Variants in CFAP47 observed in about 807,000 individuals in gnomAD.
CFAP47 encodes cilia and flagella associated protein 47.
A neutral mutation model predicts 148.1 loss-of-function variants in CFAP47; 29 were observed. The observed-to-expected ratio is 0.20, with a 90% CI of 0.15 to 0.27. The LOEUF is 0.27. Ranked by LOEUF, CFAP47 falls within the 10% of genes least tolerant of loss-of-function variation. The probability of loss-of-function intolerance (pLI) is 1.00; values close to 1 mark genes in which losing one functional copy is unlikely to be tolerated. For missense variants in CFAP47, 1,872 were observed against 1,697.5 expected (o/e 1.10, Z -1.81); for synonymous variants, 664 against 577.3 (o/e 1.15, Z -2.15).
intron 46 of CFAP47, among the ~76,000 whole-genome samples, chrX:36,229,378 G>A (rs782720583): frequency 2.2e-4 from 24 of 111,604 alleles, no homozygotes; most frequent in African/African-American, 7.5e-4. Context: ...TCTTTGCTAT[G>A]TGAGCAACAT....
At chrX:35,924,027 A>ATGTGCACATATATGTATATATGTACATG (rs1569201025) in intron 1 of CFAP47, among the ~76,000 whole-genome samples, 1 of 95,783 alleles carries the variant, frequency 1.0e-5, no homozygotes, top group African/African-American at 4.5e-5. Context: ...ATGCACATAT[A>ATGTGCACATATATGTATATATGTACATG]TATGCACATA....
chrX:35,973,416 C>A (rs995665951), intron 13 of CFAP47, among the ~76,000 whole-genome samples: 1 of 111,218 alleles, frequency 9.0e-6, no homozygotes, highest in Admixed American at 9.6e-5. Flanking sequence ...GTCTCCATCT[C>A]CTGACCTCGT....
intron 62 of CFAP47, among the ~76,000 whole-genome samples, chrX:36,371,690 A>G (rs1331234554): frequency 2.7e-5 from 2 of 73,785 alleles, no homozygotes; most frequent in South Asian, 8.0e-4. Context: ...ATATGTGTGT[A>G]TATACACACA....
intron 29 of CFAP47, among the ~76,000 whole-genome samples, chrX:36,075,551 CTTTTA>C (rs1937837110): frequency 8.9e-6 from 1 of 111,946 alleles, no homozygotes; most frequent in Admixed American, 9.5e-5. Flanking sequence ...ATAATTTCAA[CTTTTA>C]TTTTAGATTC....
intron 49 of CFAP47, among the ~76,000 whole-genome samples, chrX:36,270,527 A>G (rs1940946277): frequency 1.0e-5 from 1 of 100,140 alleles, no homozygotes; most frequent in African/African-American, 3.8e-5. Context: ...TTTATTGTTG[A>G]ATTTTGAGAG....
rs148706541 is a variant in CFAP47 at position 35,941,295 on chromosome X, C to T, written c.414C>T (p.Ser138=). The T allele has an allele frequency of 8.7e-7, 1 of 1,146,938 alleles. No homozygotes were observed. The highest frequency in any genetic ancestry group is 1.2e-6 in the Non-Finnish European group (1 of 851,554). The allele number at this position is 1,146,938 out of a possible 1,213,427, so 94.5% of individuals were successfully genotyped here. ...TEIPLIGLIP[S]CQLEIESVVN... Reference sequence around the variant, plus strand: ...TTCTCCTCCCTAGGTTGATTCCATCCTGTCAATTGGAAATTGAATCAGTAG... The same window carrying T: ...TTCTCCTCCCTAGGTTGATTCCATCTTGTCAATTGGAAATTGAATCAGTAG... Residue 138 remains serine (S), a synonymous_variant, in exon 3 of 64, where the codon TCC becomes TCT. Transcript: ENST00000378653.
At chrX:36,077,221 TTTG>T (rs1937879873) in intron 29 of CFAP47, among the ~76,000 whole-genome samples, 4 of 87,311 alleles carry the variant, frequency 4.6e-5, no homozygotes, top group Non-Finnish European at 8.7e-5. Flanking sequence ...TTTTTTTTTT[TTTG>T]CTCAGGAGTC....
chrX:35,938,528 C>A (rs2091243118), intron 2 of CFAP47, among the ~76,000 whole-genome samples: 1 of 110,587 alleles, frequency 9.0e-6, no homozygotes. Context: ...CAAAGTATTA[C>A]TGGAAATATT....
chrX:36,138,279 A>G, intron 34 of CFAP47, 69 bp from the exon 35 acceptor site: 7 of 981,751 alleles, frequency 7.1e-6, no homozygotes, highest in Non-Finnish European at 9.3e-6. Context: ...TTGCCTAACT[A>G]TAGAGAACAC....
At chrX:36,202,007 T>A (rs1162399410) in intron 44 of CFAP47, among the ~76,000 whole-genome samples, 2 of 110,890 alleles carry the variant, frequency 1.8e-5, no homozygotes, top group Non-Finnish European at 3.8e-5. Flanking sequence ...AAGCCTAAAT[T>A]TTTATATTTT....
intron 49 of CFAP47, among the ~76,000 whole-genome samples, chrX:36,260,820 GT>G (rs1181141678): frequency 1.8e-5 from 2 of 111,615 alleles, no homozygotes; most frequent in East Asian, 5.6e-4. Context: ...TTGTTCTAGG[GT>G]TTTTTTATAG....
chrX:36,085,265 T>C (rs775334839), intron 29 of CFAP47, 49 bp from the exon 30 acceptor site: 1 of 794,240 alleles, frequency 1.3e-6, no homozygotes. Context: ...TTTTCCCCCA[T>C]ACTATAACAT....
chrX:36,087,410 G>C (rs1938107835), intron 30 of CFAP47, among the ~76,000 whole-genome samples: 1 of 112,236 alleles, frequency 8.9e-6, no homozygotes, highest in Non-Finnish European at 1.9e-5. Flanking sequence ...AAGATACATG[G>C]AGATGCAATT....
intron 63 of CFAP47, among the ~76,000 whole-genome samples, chrX:36,383,688 T>A (rs1556024588): frequency 9.0e-6 from 1 of 111,422 alleles, no homozygotes; most frequent in African/African-American, 3.3e-5. Flanking sequence ...AAGAATGTAT[T>A]GTTGTGCAAT....
intron 21 of CFAP47, among the ~76,000 whole-genome samples, chrX:36,005,424 T>C (rs1936970378): frequency 1.8e-5 from 2 of 112,298 alleles, no homozygotes; most frequent in African/African-American, 3.2e-5. Context: ...TCCCACATAA[T>C]TTATTTTTCA....
At chrX:36,026,732 A>T (rs1601937703) in intron 22 of CFAP47, among the ~76,000 whole-genome samples, 2 of 110,606 alleles carry the variant, frequency 1.8e-5, no homozygotes, top group East Asian at 5.7e-4. Flanking sequence ...TCTTCTTATA[A>T]GTCCACTGTG....
At chrX:36,081,497 G>A (rs1406579570) in intron 29 of CFAP47, among the ~76,000 whole-genome samples, 1 of 111,295 alleles carries the variant, frequency 9.0e-6, no homozygotes, top group Non-Finnish European at 1.9e-5. Context: ...ACTCTTGGAA[G>A]CCAGCATCAC....
chrX:36,033,714 T>C (rs1385593495), intron 23 of CFAP47, among the ~76,000 whole-genome samples: 1 of 111,732 alleles, frequency 8.9e-6, no homozygotes. Context: ...AAATCAATCA[T>C]GCTTTAGAAA....
intron 25 of CFAP47, among the ~76,000 whole-genome samples, chrX:36,043,253 A>G (rs1342492693): frequency 8.9e-6 from 1 of 112,176 alleles, no homozygotes; most frequent in Non-Finnish European, 1.9e-5. Flanking sequence ...AAAACAAATA[A>G]GTATTAAAAA....
Sources: allele counts gnomAD v4.1 joint callset (sites outside exome capture counted in the v4.1 genomes callset), GRCh38; gene constraint gnomAD v4.1.1; transcripts MANE v1.5; gene names NCBI Gene and HGNC (gene_info 2026-07-23, HGNC 2026-07-21).